Variants in RNF114 observed in about 807,000 individuals in gnomAD.
RNF114 encodes ring finger protein 114, also known as E3 ubiquitin-protein ligase RNF114.
In RNF114, 6 loss-of-function variants were observed where a neutral mutation model predicts 28.4. That is an observed-to-expected ratio of 0.21 (90% CI 0.12 to 0.42). RNF114 has a LOEUF of 0.42. Among genes scored for constraint, RNF114 ranks in the 10% least tolerant of loss-of-function variants. RNF114 has a pLI of 1.00. For missense variants in RNF114, 249 were observed against 311.7 expected (o/e 0.80, Z 1.51); for synonymous variants, 115 against 116.7 (o/e 0.99, Z 0.09).
Position 49,936,560 on chromosome 20 carries a change from G to T in RNF114, c.140+8G>T, listed in dbSNP as rs1191448896. 2 of 1,582,280 alleles carry T rather than the reference G, an allele frequency of 1.3e-6. No individual in the cohort carries two copies. The highest frequency in any genetic ancestry group is 2.4e-5 in the East Asian group (1 of 41,786). On this transcript the variant is annotated splice_region_variant and intron_variant, in intron 1 of 5. Transcript: ENST00000244061. Reference sequence around the variant, plus strand: ...GGTGCCCTGCGGACACGTGTAAGCGGCGAGCCCGGGCCTGGTCGGGGGGCG... The same window carrying T: ...GGTGCCCTGCGGACACGTGTAAGCGTCGAGCCCGGGCCTGGTCGGGGGGCG...
intron 2 of RNF114, chr20:49,945,014 A>G (rs1409712616): frequency 6.0e-6 from 1 of 166,128 alleles, no homozygotes; most frequent in African/African-American, 2.4e-5. Flanking sequence ...TGCACATAAC[A>G]GAATGTGGTT....
chr20:49,950,883 C>G (rs1005474741), intron 5 of RNF114, among the ~76,000 whole-genome samples: 3 of 152,090 alleles, frequency 2.0e-5, no homozygotes, highest in South Asian at 2.1e-4. Context: ...TTCTCCACCC[C>G]CCATGCCCAA....
intron 1 of RNF114, among the ~76,000 whole-genome samples, chr20:49,938,272 C>A (rs527855888): frequency 1.3e-5 from 2 of 152,162 alleles, no homozygotes; most frequent in Non-Finnish European, 2.9e-5. Flanking sequence ...CTTGGTGAAC[C>A]TTTCCTAGGT....
chr20:49,937,382 C>G (rs2090291539), intron 1 of RNF114, among the ~76,000 whole-genome samples: 1 of 152,318 alleles, frequency 6.6e-6, no homozygotes, highest in Non-Finnish European at 1.5e-5. Flanking sequence ...TCTGGCCCCT[C>G]TCAGTGCTTA....
chr20:49,941,442 A>C, intron 1 of RNF114, 119 bp from the exon 2 acceptor site: 1 of 1,110,378 alleles, frequency 9.0e-7, no homozygotes, highest in South Asian at 1.6e-5. Context: ...TTGAACTGGG[A>C]GGAGAGAGCA....
chr20:49,938,576 G>T (rs2090296023), intron 1 of RNF114, among the ~76,000 whole-genome samples: 1 of 152,230 alleles, frequency 6.6e-6, no homozygotes, highest in Non-Finnish European at 1.5e-5. Flanking sequence ...GTAGAATACA[G>T]CTGGAGAAAG....
In RNF114 at chr20:49,945,365, G is replaced by A. The variant is rs183103052; in HGVS notation, c.292-17G>A. On this transcript the variant is annotated splice_polypyrimidine_tract_variant and intron_variant, in intron 2 of 5. Transcript: ENST00000244061. ...AGGTCCTCACTAACTTATGGGCTCT[G>A]ATTCTTCCTATTTGAGTTCTTCCTG... 232 of 1,557,992 alleles carry A rather than the reference G, an allele frequency of 1.5e-4. No homozygotes were observed. The African/African-American group carries it at 2.4e-3, about 16-fold the overall frequency.
At chr20:49,937,068 G>T (rs542872280) in intron 1 of RNF114, among the ~76,000 whole-genome samples, 33 of 152,344 alleles carry the variant, frequency 2.2e-4, no homozygotes, top group Non-Finnish European at 3.8e-4. Flanking sequence ...AGCTGTGAAA[G>T]GGGGGTGGGA....
chr20:49,940,774 C>A lies in RNF114; in HGVS notation c.141-787C>A, dbSNP rs187907878. 3.9e-3 allele frequency among the ~76,000 whole-genome samples: 597 copies of A among 151,478 alleles called. 2 individuals are homozygous for A. The highest frequency in any genetic ancestry group is 8.1e-3 in the Admixed American group (122 of 15,144). On this transcript the variant is annotated intron_variant, in intron 1 of 5. Coordinates refer to ENST00000244061, the MANE Select transcript of RNF114 (RefSeq NM_018683.4). ...CTCTGCAGTCTTCCCCTCCACCCCCCCCTTGAGACAGAGTCGCACTCTGTT... is the reference window on the plus strand; with the variant it reads ...CTCTGCAGTCTTCCCCTCCACCCCCACCTTGAGACAGAGTCGCACTCTGTT...
intron 4 of RNF114, among the ~76,000 whole-genome samples, chr20:49,949,018 A>C (rs1357409936): frequency 6.6e-6 from 1 of 152,184 alleles, no homozygotes; most frequent in Non-Finnish European, 1.5e-5. Context: ...GTAGGGAATG[A>C]GAAAGGGTGG....
At chr20:49,939,142 C>T (rs1323452919) in intron 1 of RNF114, among the ~76,000 whole-genome samples, 1 of 152,254 alleles carries the variant, frequency 6.6e-6, no homozygotes, top group African/African-American at 2.4e-5. Flanking sequence ...TCCTCAGAAG[C>T]AGCTTTCTAT....
chr20:49,951,963 G>C (rs577430157), intron 5 of RNF114, 113 bp from the exon 6 acceptor site: 14 of 744,268 alleles, frequency 1.9e-5, no homozygotes, highest in Admixed American at 4.1e-5. Flanking sequence ...CTGGGGATCC[G>C]GTCCCTGGCA....
rs1310569241 is a variant in RNF114, at chr20:49,953,427, G to A, written c.*1286G>A. 6.6e-6 allele frequency: 1 copy of A among 152,172 alleles called. No homozygotes were observed. The highest frequency in any genetic ancestry group is 1.9e-4 in the East Asian group (1 of 5,190). 9.4% of individuals were successfully genotyped at this position (152,172 alleles called of 1,614,324 possible). A position where few individuals can be genotyped will look rare whatever the true frequency, so the allele number is the denominator to read the frequency against. Reference sequence around the variant, plus strand: ...TTGACCAAAAGGCATATGGGTTTAGGTTGGTTTTTTGATGTCATATGTCTC... The same window carrying A: ...TTGACCAAAAGGCATATGGGTTTAGATTGGTTTTTTGATGTCATATGTCTC... On this transcript the variant is annotated 3_prime_UTR_variant, in exon 6 of 6. Transcript: ENST00000244061.
chr20:49,951,005 C>T (rs1378321407), intron 5 of RNF114, among the ~76,000 whole-genome samples: 1 of 152,168 alleles, frequency 6.6e-6, no homozygotes, highest in Non-Finnish European at 1.5e-5. Flanking sequence ...GGTTTATATT[C>T]TTTCCCTAGA....
At chr20:49,942,420 T>C (rs1399549527) in intron 2 of RNF114, among the ~76,000 whole-genome samples, 1 of 152,240 alleles carries the variant, frequency 6.6e-6, no homozygotes, top group African/African-American at 2.4e-5. Flanking sequence ...CCAAGAGATA[T>C]ACACAGCCTT....
chr20:49,938,771 C>T lies in RNF114; in HGVS notation c.140+2219C>T, dbSNP rs549639171. ...GGCATGTCTCAGGCACAAAGTGACT[C>T]GTGAACATTTGATAGATGAGCTGTA... is the stretch of plus-strand genomic sequence containing the variant. On this transcript the variant is annotated intron_variant, in intron 1 of 5. Coordinates refer to ENST00000244061, the MANE Select transcript of RNF114 (RefSeq NM_018683.4). Among the ~76,000 whole-genome samples the T allele has an allele frequency of 3.9e-5, 6 of 152,344 alleles. No homozygotes were observed. In the East Asian group the frequency reaches 9.6e-4, roughly 24 times the overall value.
chr20:49,950,737 A>G (rs1210577383), intron 5 of RNF114, among the ~76,000 whole-genome samples: 2 of 150,998 alleles, frequency 1.3e-5, no homozygotes, highest in African/African-American at 4.9e-5. Flanking sequence ...TGGACTTGGG[A>G]GGCTCAATCT....
At chr20:49,946,086 G>T in intron 3 of RNF114, 50 bp from the exon 4 acceptor site, 1 of 964,352 alleles carries the variant, frequency 1.0e-6, no homozygotes. Flanking sequence ...AAGTTTAATG[G>T]AAAGGTACTC....
rs535286370 is a variant in RNF114, at chr20:49,953,301, C to T, written c.*1160C>T. Reference sequence around the variant, plus strand: ...AATAAAAGCTGTTGCTGGAAACTTGCTTTAGGAACAGCTCAAGAACCTTGG... The same window carrying T: ...AATAAAAGCTGTTGCTGGAAACTTGTTTTAGGAACAGCTCAAGAACCTTGG... On this transcript the variant is annotated 3_prime_UTR_variant, in exon 6 of 6. Coordinates refer to ENST00000244061, the MANE Select transcript of RNF114 (RefSeq NM_018683.4). The T allele has an allele frequency of 6.6e-6, 1 of 152,128 alleles. No individual in the cohort carries two copies. Among genetic ancestry groups the T allele is most frequent in the Non-Finnish European group, 1.5e-5 (1 of 68,030 alleles). The allele number at this position is 152,128 out of a possible 1,614,324, so 9.4% of individuals were successfully genotyped here.
Sources: gnomAD v4.1 joint callset for allele counts (sites outside exome capture counted in the v4.1 genomes callset) on GRCh38, gnomAD v4.1.1 for gene constraint, MANE v1.5 for transcripts, NCBI Gene and HGNC (gene_info 2026-07-23, HGNC 2026-07-21) for gene names.